The following GALNTL6 variants were observed in gnomAD, a reference collection of about 807,000 sequenced individuals.
GALNTL6 encodes the protein polypeptide N-acetylgalactosaminyltransferase-like 6.
Under a neutral mutation model 73.7 loss-of-function variants are expected in GALNTL6, and 46 were observed. That is an observed-to-expected ratio of 0.62 (90% CI 0.49 to 0.80). The LOEUF (loss-of-function observed/expected upper bound fraction) is 0.80. GALNTL6 is among the 30% of genes least tolerant of loss of function. The probability of loss-of-function intolerance (pLI) is 0.00; values close to 1 mark genes in which losing one functional copy is unlikely to be tolerated. For missense variants in GALNTL6, 604 were observed against 755.0 expected, an observed-to-expected ratio of 0.80 and a Z score of 2.34; for synonymous variants, 259 against 263.7, an observed-to-expected ratio of 0.98 and a Z score of 0.17.
intron 5 of GALNTL6, among the ~76,000 whole-genome samples, chr4:172,791,024 G>C (rs1479028789): frequency 6.6e-6 from 1 of 152,056 alleles, no homozygotes; most frequent in Non-Finnish European, 1.5e-5. Flanking sequence ...CCTCAATACT[G>C]GTCCAGATAC....
chr4:172,524,104 T>C (rs1005046974), intron 5 of GALNTL6, among the ~76,000 whole-genome samples: 1 of 152,224 alleles, frequency 6.6e-6, no homozygotes, highest in Non-Finnish European at 1.5e-5. Flanking sequence ...TAGTTTTGTC[T>C]TTTTTAAAAC....
At chr4:172,870,116 A>G (rs1429620107) in intron 7 of GALNTL6, among the ~76,000 whole-genome samples, 1 of 152,138 alleles carries the variant, frequency 6.6e-6, no homozygotes, top group African/African-American at 2.4e-5. Context: ...AAAGATAGAA[A>G]TTCCAGTGTA....
chr4:172,602,939 A>G (rs1738119567), intron 5 of GALNTL6, among the ~76,000 whole-genome samples: 1 of 152,188 alleles, frequency 6.6e-6, no homozygotes, highest in Non-Finnish European at 1.5e-5. Flanking sequence ...GGTGAATACC[A>G]AAAAAAGATT....
At chr4:173,004,744 C>G (rs921336485) in intron 10 of GALNTL6, among the ~76,000 whole-genome samples, 2 of 152,156 alleles carry the variant, frequency 1.3e-5, no homozygotes, top group Non-Finnish European at 2.9e-5. Context: ...AAGTCTCAAG[C>G]CTTTCTTCCA....
intron 5 of GALNTL6, among the ~76,000 whole-genome samples, chr4:172,528,991 G>GTGTATA (rs1735076864): frequency 1.0e-5 from 1 of 96,654 alleles, no homozygotes; most frequent in Non-Finnish European, 2.0e-5. Context: ...ACATATGTGT[G>GTGTATA]TATATATATA....
intron 5 of GALNTL6, among the ~76,000 whole-genome samples, chr4:172,466,017 G>A (rs1208532859): frequency 6.6e-6 from 1 of 151,950 alleles, no homozygotes; most frequent in Non-Finnish European, 1.5e-5. Flanking sequence ...AAATGTTTTT[G>A]TAACAAATAC....
chr4:172,522,949 T>C (rs1480209614), intron 5 of GALNTL6, among the ~76,000 whole-genome samples: 1 of 152,158 alleles, frequency 6.6e-6, no homozygotes, highest in Non-Finnish European at 1.5e-5. Context: ...AGTCCCTCTC[T>C]TGATTGCTCT....
At chr4:172,197,317 A>G (rs1277421700) in intron 2 of GALNTL6, among the ~76,000 whole-genome samples, 1 of 152,216 alleles carries the variant, frequency 6.6e-6, no homozygotes, top group Non-Finnish European at 1.5e-5. Flanking sequence ...AAGGTATTCC[A>G]TGCTTCCATG....
At chr4:172,077,877 G>A (rs1174773684) in intron 2 of GALNTL6, among the ~76,000 whole-genome samples, 1 of 152,116 alleles carries the variant, frequency 6.6e-6, no homozygotes, top group East Asian at 1.9e-4. Flanking sequence ...AAAAAATGGT[G>A]TTATGGGCCA....
chr4:171,918,900 A>T (rs1435939380), intron 2 of GALNTL6, among the ~76,000 whole-genome samples: 2 of 152,244 alleles, frequency 1.3e-5, no homozygotes, highest in East Asian at 3.9e-4. Context: ...AAAGACAATT[A>T]CTGCATGATT....
chr4:172,300,393 G>A (rs1578928492), intron 3 of GALNTL6, among the ~76,000 whole-genome samples: 1 of 152,112 alleles, frequency 6.6e-6, no homozygotes, highest in Non-Finnish European at 1.5e-5. Context: ...ATTGTTATGT[G>A]TGAATTTGAT....
chr4:172,873,352 C>G (rs1054304858), intron 7 of GALNTL6, among the ~76,000 whole-genome samples: 4 of 152,200 alleles, frequency 2.6e-5, no homozygotes, highest in Non-Finnish European at 5.9e-5. Flanking sequence ...CACGATAACT[C>G]AGAGCTAAAA....
chr4:172,658,166 A>AAAAAAAAAC (rs1439296482), intron 5 of GALNTL6, among the ~76,000 whole-genome samples: 1 of 120,384 alleles, frequency 8.3e-6, no homozygotes, highest in Non-Finnish European at 1.7e-5. Flanking sequence ...AAAAAAAAAA[A>AAAAAAAAAC]AAAGAAATAT....
intron 2 of GALNTL6, among the ~76,000 whole-genome samples, chr4:171,908,831 C>A (rs1737382699): frequency 6.6e-6 from 1 of 151,240 alleles, no homozygotes. Context: ...ATGATGAGTT[C>A]ATGTCCTTTG....
At chr4:172,682,145 A>G (rs1029711825) in intron 5 of GALNTL6, among the ~76,000 whole-genome samples, 1 of 152,210 alleles carries the variant, frequency 6.6e-6, no homozygotes, top group African/African-American at 2.4e-5. Context: ...ACACAAAACC[A>G]AATAGATAAT....
intron 2 of GALNTL6, among the ~76,000 whole-genome samples, chr4:172,020,346 A>C (rs1040772885): frequency 1.3e-5 from 2 of 151,678 alleles, no homozygotes; most frequent in African/African-American, 4.8e-5. Context: ...GAAGAAAATA[A>C]TACAAAAGAT....
rs567068093 is a variant in GALNTL6 at position 171,907,393 on chromosome 4, A to T, written c.138+92675A>T. 1.9e-3 allele frequency among the ~76,000 whole-genome samples: 290 copies of T among 152,236 alleles called. 2 individuals carry two copies. Among genetic ancestry groups the T allele is most frequent in the Non-Finnish European group, 3.6e-3 (242 of 68,020 alleles). On this transcript the variant is annotated intron_variant, in intron 2 of 12. Coordinates refer to ENST00000506823, the MANE Select transcript of GALNTL6 (RefSeq NM_001034845.3). The stretch of plus-strand genomic sequence containing the variant: ...AAATCATGAGTGAACTCCCATTCAC[A>T]ATTGCTTCAAAGAGAATAAAATACC...
intron 5 of GALNTL6, among the ~76,000 whole-genome samples, chr4:172,780,212 G>T (rs1258040098): frequency 4.6e-5 from 7 of 151,882 alleles, no homozygotes; most frequent in Admixed American, 2.6e-4. Flanking sequence ...CCTTTAAACT[G>T]AAATAACATG....
intron 2 of GALNTL6, among the ~76,000 whole-genome samples, chr4:172,033,918 A>C (rs1205980965): frequency 6.6e-6 from 1 of 152,268 alleles, no homozygotes; most frequent in African/African-American, 2.4e-5. Context: ...GTATATCCTA[A>C]TAACACTTTT....
Sources: gnomAD v4.1 joint callset for allele counts (sites outside exome capture counted in the v4.1 genomes callset) on GRCh38, gnomAD v4.1.1 for gene constraint, MANE v1.5 for transcripts, NCBI Gene and HGNC (gene_info 2026-07-23, HGNC 2026-07-21) for gene names.